SGSM1: variants seen among roughly 807,000 people sequenced by gnomAD.
SGSM1 encodes the protein RUN and TBC1 domain containing 2.
SGSM1 carries 73 observed loss-of-function variants against 133.8 expected under a neutral mutation model. The observed-to-expected ratio is 0.55, with a 90% CI of 0.45 to 0.66. The LOEUF (loss-of-function observed/expected upper bound fraction) is 0.66. SGSM1 is among the 30% of genes least tolerant of loss of function. SGSM1 has a pLI of 0.00. For missense variants in SGSM1, 1,213 were observed against 1,448.1 expected (o/e 0.84, Z 2.64); for synonymous variants, 563 against 573.0 (o/e 0.98, Z 0.25).
chr22:24,880,916 C>T (rs954153280), intron 14 of SGSM1, among the ~76,000 whole-genome samples: 3 of 152,298 alleles, frequency 2.0e-5, no homozygotes, highest in African/African-American at 4.8e-5. Context: ...AATGGGCAGG[C>T]GCGGTGGCTT....
intron 16 of SGSM1, among the ~76,000 whole-genome samples, chr22:24,893,084 G>T (rs182150703): frequency 1.5e-4 from 22 of 148,226 alleles, no homozygotes; most frequent in African/African-American, 2.7e-4. Flanking sequence ...GGAAGCGGAG[G>T]GGGGGGAGGG....
At chr22:24,845,725 A>G (rs1930056933) in intron 3 of SGSM1, among the ~76,000 whole-genome samples, 1 of 152,050 alleles carries the variant, frequency 6.6e-6, no homozygotes, top group Non-Finnish European at 1.5e-5. Flanking sequence ...TGGGGGCACC[A>G]CCCCACGGGG....
At chr22:24,869,356 C>A (rs1230376008) in intron 12 of SGSM1, among the ~76,000 whole-genome samples, 1 of 151,822 alleles carries the variant, frequency 6.6e-6, no homozygotes, top group Non-Finnish European at 1.5e-5. Context: ...CCTGTCTCTA[C>A]AAAAAATACA....
intron 2 of SGSM1, among the ~76,000 whole-genome samples, chr22:24,831,891 G>A (rs1444019313): frequency 6.6e-6 from 1 of 152,222 alleles, no homozygotes; most frequent in Admixed American, 6.5e-5. Flanking sequence ...CAGGTGCAGT[G>A]GTTAGAAAGA....
chr22:24,844,862 G>A, intron 2 of SGSM1, 35 bp from the exon 3 acceptor site: 1 of 1,610,274 alleles, frequency 6.2e-7, no homozygotes, highest in Non-Finnish European at 8.5e-7. Context: ...TGGTCACCTT[G>A]GACCTCTTCC....
intron 2 of SGSM1, chr22:24,844,525 T>TA (rs34233022): frequency 0.19 from 30,611 of 158,532 alleles, 4,087 homozygotes; most frequent in African/African-American, 0.39. Context: ...AAACTCCGTC[T>TA]AAAAAAAAAA....
chr22:24,915,220 C>T (rs1266826876), intron 22 of SGSM1, among the ~76,000 whole-genome samples: 1 of 142,366 alleles, frequency 7.0e-6, no homozygotes, highest in Non-Finnish European at 1.5e-5. Flanking sequence ...CAGAGCGAGA[C>T]TCCGTCTCAA....
intron 2 of SGSM1, chr22:24,844,213 A>T (rs1383906181): frequency 1.3e-5 from 2 of 152,346 alleles, no homozygotes; most frequent in Admixed American, 6.5e-5. Flanking sequence ...AGAGAGAGAT[A>T]GACGGTCAAC....
At chr22:24,912,495 G>A in intron 21 of SGSM1, 148 bp from the exon 22 acceptor site, 2 of 577,410 alleles carry the variant, frequency 3.5e-6, no homozygotes, top group East Asian at 3.0e-5. Context: ...TGGCTAACAC[G>A]GTGAAACCCC....
chr22:24,911,488 T>TCCGTTTCCAAAA (rs1933621453), intron 21 of SGSM1, among the ~76,000 whole-genome samples: 1 of 151,920 alleles, frequency 6.6e-6, no homozygotes, highest in Non-Finnish European at 1.5e-5. Flanking sequence ...GGACTGCACA[T>TCCGTTTCCAAAA]AGTGACTTGT....
At position 24,925,400 on chromosome 22, in the gene SGSM1, T is replaced by C. The variant is rs1934166759; in HGVS notation, c.*1126T>C. 1 of 152,006 alleles carries C rather than the reference T, an allele frequency of 6.6e-6. No individual in the cohort carries two copies. The highest frequency in any genetic ancestry group is 2.1e-4 in the South Asian group (1 of 4,826). 9.4% of individuals were successfully genotyped at this position (152,006 alleles called of 1,614,324 possible). ...CACACAAGAGTCCCTCACACATCTCTCTTGGAGTCTGGGATTCCATCTGTT... is the reference window on the plus strand; with the variant it reads ...CACACAAGAGTCCCTCACACATCTCCCTTGGAGTCTGGGATTCCATCTGTT... On this transcript the variant is annotated 3_prime_UTR_variant, in exon 25 of 25. Coordinates refer to ENST00000400358, the MANE Select transcript of SGSM1 (RefSeq NM_001098497.3).
rs751925286 is a variant in SGSM1 at position 24,855,677 on chromosome 22, G to T, written c.798G>T (p.Gln266His). 6.2e-7 allele frequency: 1 copy of T among 1,613,960 alleles called. No individual in the cohort carries two copies. Among genetic ancestry groups the T allele is most frequent in the East Asian group, 2.2e-5 (1 of 44,866 alleles). Reference sequence around the variant, plus strand: ...ATGGCAAAAACAACGTTCTTGTTCAGCCGGTGAGAGGTTATCTTGGGCCTA... The same window carrying T: ...ATGGCAAAAACAACGTTCTTGTTCATCCGGTGAGAGGTTATCTTGGGCCTA... ...LLYGKNNVLV[Q>H]PRDDMEAVPG... is the part of the protein sequence containing the mutation. Residue 266 changes from glutamine to histidine, a missense_variant, in exon 8 of 25, where the codon CAG becomes CAT. Transcript: ENST00000400358.
intron 4 of SGSM1, 79 bp downstream of exon 4, chr22:24,847,875 G>T (rs1930239224): frequency 6.6e-7 from 1 of 1,509,508 alleles, no homozygotes. Context: ...GAGAGAGCCT[G>T]CAACCCCTAG....
chr22:24,896,347 G>T (rs960632424), intron 18 of SGSM1, among the ~76,000 whole-genome samples: 3 of 151,886 alleles, frequency 2.0e-5, no homozygotes, highest in Non-Finnish European at 4.4e-5. Flanking sequence ...GAATCAAAAA[G>T]AAGTTTTTGA....
intron 5 of SGSM1, among the ~76,000 whole-genome samples, chr22:24,851,464 G>GAGAGAGAT: frequency 7.6e-6 from 1 of 132,140 alleles, no homozygotes; most frequent in African/African-American, 4.2e-5. Flanking sequence ...GAGAGAGAGA[G>GAGAGAGAT]AGAGAGAGAG....
intron 2 of SGSM1, among the ~76,000 whole-genome samples, chr22:24,815,837 C>T (rs900078020): frequency 6.6e-6 from 1 of 152,108 alleles, no homozygotes; most frequent in Admixed American, 6.5e-5. Context: ...AGGGGTGTTG[C>T]ATCTCTGTCC....
At position 24,868,872 on chromosome 22, in the gene SGSM1, C is replaced by A. The variant is rs533894039; in HGVS notation, c.1291+17C>A. On this transcript the variant is annotated intron_variant, in intron 12 of 24. Coordinates refer to ENST00000400358, the MANE Select transcript of SGSM1 (RefSeq NM_001098497.3). ...CGGAATTCGGTGAGCTGCCCTGTCCCGGGCCCCGGGGAGTCACCTGCTAAC... is the reference window on the plus strand; with the variant it reads ...CGGAATTCGGTGAGCTGCCCTGTCCAGGGCCCCGGGGAGTCACCTGCTAAC... The A allele has an allele frequency of 6.2e-7, 1 of 1,611,892 alleles. No individual in the cohort carries two copies. The highest frequency in any genetic ancestry group is 8.5e-7 in the Non-Finnish European group (1 of 1,178,994).
chr22:24,926,452 C>T lies in SGSM1; in HGVS notation c.*2178C>T, dbSNP rs1934208924. The T allele has an allele frequency of 6.9e-6, 1 of 144,700 alleles. No individual in the cohort carries two copies. Among genetic ancestry groups the T allele is most frequent in the African/African-American group, 2.4e-5 (1 of 40,964 alleles). 9.0% of individuals were successfully genotyped at this position (144,700 alleles called of 1,614,324 possible). ...AAGACAGGAAGAAATGTGCAAAAGGCCCCTCCGGAGAAAACTATTTTGCCG... is the reference window on the plus strand; with the variant it reads ...AAGACAGGAAGAAATGTGCAAAAGGTCCCTCCGGAGAAAACTATTTTGCCG... On this transcript the variant is annotated 3_prime_UTR_variant, in exon 25 of 25. Coordinates refer to ENST00000400358, the MANE Select transcript of SGSM1 (RefSeq NM_001098497.3).
chr22:24,811,115 T>C (rs1927710915), intron 2 of SGSM1, among the ~76,000 whole-genome samples: 1 of 152,168 alleles, frequency 6.6e-6, no homozygotes, highest in African/African-American at 2.4e-5. Context: ...CATTTGGCAA[T>C]GTCTGGAAAC....
Sources: allele counts gnomAD v4.1 joint callset (sites outside exome capture counted in the v4.1 genomes callset), GRCh38; gene constraint gnomAD v4.1.1; transcripts MANE v1.5; gene names NCBI Gene and HGNC (gene_info 2026-07-23, HGNC 2026-07-21).